CLEC12A: variants seen among roughly 807,000 people sequenced by gnomAD.
CLEC12A encodes C-type lectin protein CLL-1.
In CLEC12A, 22 loss-of-function variants were observed where a neutral mutation model predicts 26.5. The observed-to-expected ratio is 0.83, with a 90% CI of 0.59 to 1.19. The LOEUF is 1.19. Among genes scored for constraint, CLEC12A ranks in the 50% most tolerant of loss-of-function variants. The pLI is 0.00. For synonymous variants in CLEC12A, 119 were observed against 101.9 expected, an observed-to-expected ratio of 1.17 and a Z score of -1.01; for missense variants, 353 against 315.6, an observed-to-expected ratio of 1.12 and a Z score of -0.90.
chr12:9,995,240 T>C (rs1335235701), exon 5 of CLEC12A: 5 of 1,611,934 alleles, frequency 3.1e-6, no homozygotes, highest in South Asian at 2.2e-5. Flanking sequence ...CTGGCTTTGA[T>C]GTACTCCTAT....
At chr12:9,976,163 C>T (rs1210715216) in intron 1 of CLEC12A, among the ~76,000 whole-genome samples, 4 of 152,204 alleles carry the variant, frequency 2.6e-5, no homozygotes, top group Admixed American at 6.5e-5. Flanking sequence ...CACAGAGTCC[C>T]CACTGGGGTA....
At chr12:9,993,294 A>C (rs1864939685) in intron 4 of CLEC12A, 2 of 1,601,564 alleles carry the variant, frequency 1.2e-6, no homozygotes, top group Non-Finnish European at 1.7e-6. Context: ...AAACCTGTGA[A>C]GGGAAAGTTA....
chr12:9,961,825 T>G (rs532843070), intron 1 of CLEC12A, among the ~76,000 whole-genome samples: 2 of 152,326 alleles, frequency 1.3e-5, no homozygotes, highest in African/African-American at 4.8e-5. Context: ...GAAAATGATT[T>G]CAATAAATCT....
chr12:9,994,881 C>A, intron 4 of CLEC12A: 1 of 782,130 alleles, frequency 1.3e-6, no homozygotes, highest in Non-Finnish European at 1.9e-6. Context: ...ACACAGTGTT[C>A]CATGGTAAGG....
At chr12:9,955,336 C>T (rs1863726894) in intron 1 of CLEC12A, among the ~76,000 whole-genome samples, 1 of 152,184 alleles carries the variant, frequency 6.6e-6, no homozygotes, top group Non-Finnish European at 1.5e-5. Context: ...ATCCTCCTGC[C>T]TCAGCCTCCC....
chr12:9,983,722 G>T (rs1044537884), intron 5 of CLEC12A: 18 of 477,424 alleles, frequency 3.8e-5, no homozygotes, highest in Non-Finnish European at 4.4e-5. Flanking sequence ...ATGGCAAATA[G>T]AATTTTTTGT....
chr12:9,951,301 A>T (rs770891179), upstream of CLEC12A: 5 of 702,726 alleles, frequency 7.1e-6, no homozygotes, highest in African/African-American at 8.7e-5. Context: ...CCCCAACCAC[A>T]TTTCTGATTG....
At chr12:9,955,270 G>A (rs1185504831) in intron 1 of CLEC12A, among the ~76,000 whole-genome samples, 1 of 152,050 alleles carries the variant, frequency 6.6e-6, no homozygotes, top group African/African-American at 2.4e-5. Context: ...GTATTTTTTA[G>A]TAGAGAAGAG....
chr12:9,972,097 G>C (rs1864153468), intron 1 of CLEC12A, among the ~76,000 whole-genome samples: 1 of 151,768 alleles, frequency 6.6e-6, no homozygotes, highest in Non-Finnish European at 1.5e-5. Context: ...GTGTCAGACA[G>C]AGAGACCTTT....
intron 1 of CLEC12A, among the ~76,000 whole-genome samples, chr12:9,964,942 G>C (rs1397960094): frequency 6.6e-6 from 1 of 152,170 alleles, no homozygotes; most frequent in East Asian, 1.9e-4. Context: ...GAATACTGTG[G>C]GAGGCTGGAT....
chr12:9,980,839 T>G, intron 4 of CLEC12A, 106 bp downstream of exon 4: 1 of 1,157,082 alleles, frequency 8.6e-7, no homozygotes, highest in South Asian at 1.5e-5. Context: ...AGTTGGGGTG[T>G]GAAGTGACTG....
At chr12:9,967,790 TG>T (rs1169480690), upstream of CLEC12A, among the ~76,000 whole-genome samples, 1 of 151,560 alleles carries the variant, frequency 6.6e-6, no homozygotes, top group Non-Finnish European at 1.5e-5. Context: ...GAGAAGGGGT[TG>T]GGGGTTCTTG....
chr12:9,970,416 C>T (rs1235462458), upstream of CLEC12A, among the ~76,000 whole-genome samples: 1 of 152,036 alleles, frequency 6.6e-6, no homozygotes, highest in Non-Finnish European at 1.5e-5. Flanking sequence ...TATGCATTCT[C>T]TTTCATATGT....
downstream of CLEC12A, among the ~76,000 whole-genome samples, chr12:9,996,319 T>C (rs1355995851): frequency 6.6e-6 from 1 of 152,234 alleles, no homozygotes; most frequent in Non-Finnish European, 1.5e-5. Context: ...AAAAGTTGCA[T>C]GACTACTTTT....
At chr12:9,955,288 C>A (rs1863725507) in intron 1 of CLEC12A, among the ~76,000 whole-genome samples, 1 of 152,108 alleles carries the variant, frequency 6.6e-6, no homozygotes, top group East Asian at 1.9e-4. Context: ...GAGGTTTCAC[C>A]ATGTTAGCCA....
chr12:9,981,478 A>G (rs1443479108), intron 4 of CLEC12A, among the ~76,000 whole-genome samples: 1 of 152,094 alleles, frequency 6.6e-6, no homozygotes, highest in Non-Finnish European at 1.5e-5. Flanking sequence ...TCAACCCACA[A>G]TCTCTTCCTC....
chr12:9,959,863 T>C (rs1863802557), intron 1 of CLEC12A, among the ~76,000 whole-genome samples: 1 of 152,198 alleles, frequency 6.6e-6, no homozygotes, highest in African/African-American at 2.4e-5. Context: ...GGAGACTGTT[T>C]TCCTGGACTC....
At chr12:9,962,275 T>A (rs1385261789) in intron 1 of CLEC12A, among the ~76,000 whole-genome samples, 1 of 146,428 alleles carries the variant, frequency 6.8e-6, no homozygotes, top group East Asian at 2.0e-4. Context: ...TTTTTTTGGA[T>A]CCCAAGTGTG....
chr12:9,982,218 C>A lies in CLEC12A; in HGVS notation c.641+89C>A, dbSNP rs1397561138. On this transcript the variant is annotated intron_variant, in intron 5 of 5. Transcript: ENST00000304361. ...CACTGTAGATTCAAATTAAAACCAG[C>A]TTCAATTGAAATTGCATGCTAAAAG... 5 of 688,432 alleles carry A rather than the reference C, an allele frequency of 7.3e-6. No homozygotes were observed. In the Admixed American group the frequency reaches 1.1e-4, roughly 15 times the overall value. The allele number at this position is 688,432 out of a possible 1,614,324, so 42.6% of individuals were successfully genotyped here. A position where few individuals can be genotyped will look rare whatever the true frequency, so the allele number is the denominator to read the frequency against.
Sources: allele counts gnomAD v4.1 joint callset (sites outside exome capture counted in the v4.1 genomes callset), GRCh38; gene constraint gnomAD v4.1.1; transcripts MANE v1.5; gene names NCBI Gene and HGNC (gene_info 2026-07-23, HGNC 2026-07-21).